Variants in TENM2 observed in about 807,000 individuals in gnomAD.
TENM2 encodes teneurin transmembrane protein 2.
Under a neutral mutation model 245.2 loss-of-function variants are expected in TENM2, and 52 were observed. The ratio of observed to expected loss-of-function variants is 0.21; its 90% CI spans 0.17 to 0.27. The LOEUF (loss-of-function observed/expected upper bound fraction) is 0.27. Among genes scored for constraint, TENM2 ranks in the 10% least tolerant of loss-of-function variants. The pLI, the probability that TENM2 is intolerant of heterozygous loss-of-function variation, is 1.00. For missense variants in TENM2, 3,046 were observed against 3,666.8 expected, an observed-to-expected ratio of 0.83 and a Z score of 4.37; for synonymous variants, 1,363 against 1,438.9, an observed-to-expected ratio of 0.95 and a Z score of 1.19.
At chr5:167,379,253 A>T (rs1308374220) in intron 2 of TENM2, among the ~76,000 whole-genome samples, 1 of 152,162 alleles carries the variant, frequency 6.6e-6, no homozygotes, top group Non-Finnish European at 1.5e-5. Flanking sequence ...TGAAACACAG[A>T]TTCTATTAGA....
chr5:167,898,471 CA>C (rs1228720795), intron 3 of TENM2, among the ~76,000 whole-genome samples: 1 of 152,118 alleles, frequency 6.6e-6, no homozygotes, highest in Non-Finnish European at 1.5e-5. Flanking sequence ...GAGTTTGAAA[CA>C]ATGTAAATGC....
At chr5:167,435,517 C>T (rs773120728) in intron 2 of TENM2, among the ~76,000 whole-genome samples, 4 of 152,222 alleles carry the variant, frequency 2.6e-5, no homozygotes, top group Middle Eastern at 3.4e-3. Context: ...CTAATTAAAC[C>T]TCTTTCTTTT....
chr5:167,609,345 A>G (rs760724910), intron 2 of TENM2, among the ~76,000 whole-genome samples: 2 of 152,126 alleles, frequency 1.3e-5, no homozygotes, highest in Non-Finnish European at 2.9e-5. Flanking sequence ...AATCAAAAGT[A>G]TACAACTTGT....
the TENM2 span, among the ~76,000 whole-genome samples, chr5:167,246,054 C>T: frequency 6.6e-6 from 1 of 152,146 alleles, no homozygotes; most frequent in Non-Finnish European, 1.5e-5. Context: ...AGTTACTCCT[C>T]CTCTCTTGGG....
At chr5:167,745,008 C>T (rs1384710629) in intron 2 of TENM2, among the ~76,000 whole-genome samples, 2 of 152,278 alleles carry the variant, frequency 1.3e-5, no homozygotes, top group East Asian at 1.9e-4. Flanking sequence ...GTATCAACAT[C>T]ACCTGTCTCT....
At chr5:167,304,658 GT>G (rs1000572782) in intron 1 of TENM2, among the ~76,000 whole-genome samples, 1 of 151,028 alleles carries the variant, frequency 6.6e-6, no homozygotes, top group African/African-American at 2.5e-5. Context: ...TTGTTTGTTT[GT>G]TTTTTTTAAA....
chr5:168,082,949 A>T (rs889419486), intron 7 of TENM2, among the ~76,000 whole-genome samples: 10 of 152,152 alleles, frequency 6.6e-5, no homozygotes, highest in African/African-American at 9.7e-5. Context: ...CTCAAACTCC[A>T]TGCTGGGAGA....
intron 3 of TENM2, among the ~76,000 whole-genome samples, chr5:167,915,982 G>T (rs1474796094): frequency 6.6e-6 from 1 of 152,140 alleles, no homozygotes; most frequent in Non-Finnish European, 1.5e-5. Context: ...GTCTCCTTGG[G>T]CCTCAGTTTC....
the TENM2 span, among the ~76,000 whole-genome samples, chr5:166,982,713 C>A: frequency 2.0e-5 from 3 of 151,990 alleles, no homozygotes; most frequent in African/African-American, 7.2e-5. Context: ...GGAGAAACCC[C>A]CCATTCTGCA....
chr5:167,836,671 A>G (rs13354537), intron 2 of TENM2, among the ~76,000 whole-genome samples: 11,985 of 152,218 alleles, frequency 0.079, 559 homozygotes, highest in Middle Eastern at 0.13. Flanking sequence ...ACAGGTGCCA[A>G]GTGTTCATGT....
chr5:167,576,247 A>G (rs1004114147), intron 2 of TENM2, among the ~76,000 whole-genome samples: 2 of 152,098 alleles, frequency 1.3e-5, no homozygotes, highest in East Asian at 3.9e-4. Flanking sequence ...AATCAAAGCT[A>G]TCCTTACTCA....
the TENM2 span, among the ~76,000 whole-genome samples, chr5:166,998,269 A>T: frequency 6.6e-6 from 1 of 152,166 alleles, no homozygotes; most frequent in African/African-American, 2.4e-5. Flanking sequence ...GTGGTGAGTG[A>T]TCCAATCAGG....
At chr5:168,004,888 G>C (rs757854192) in intron 5 of TENM2, among the ~76,000 whole-genome samples, 6 of 151,820 alleles carry the variant, frequency 4.0e-5, no homozygotes, top group Non-Finnish European at 7.4e-5. Flanking sequence ...TTCATTTTAG[G>C]CTTTTAAAAA....
chr5:167,939,724 TCTTA>T (rs1397086911), intron 3 of TENM2, among the ~76,000 whole-genome samples: 1 of 152,166 alleles, frequency 6.6e-6, no homozygotes, highest in Middle Eastern at 3.2e-3. Context: ...ATTCCATACA[TCTTA>T]CTTTTGATTT....
chr5:167,328,816 T>G (rs1757254209), intron 1 of TENM2, among the ~76,000 whole-genome samples: 1 of 152,210 alleles, frequency 6.6e-6, no homozygotes, highest in Non-Finnish European at 1.5e-5. Context: ...CGGTATACTC[T>G]ATCCTGTTTC....
At chr5:167,006,549 A>G in the TENM2 span, among the ~76,000 whole-genome samples, 1 of 152,134 alleles carries the variant, frequency 6.6e-6, no homozygotes, top group Non-Finnish European at 1.5e-5. Flanking sequence ...GGAGAAATGC[A>G]TTTTTCTAAG....
chr5:167,222,663 A>G, the TENM2 span, among the ~76,000 whole-genome samples: 1 of 152,166 alleles, frequency 6.6e-6, no homozygotes, highest in African/African-American at 2.4e-5. Context: ...GGCTGCTCGG[A>G]AACATGCACA....
chr5:167,000,713 C>T, the TENM2 span, among the ~76,000 whole-genome samples: 7 of 152,242 alleles, frequency 4.6e-5, no homozygotes, highest in African/African-American at 1.7e-4. Context: ...TACCCCACTA[C>T]CTTGTACAGA....
intron 2 of TENM2, among the ~76,000 whole-genome samples, chr5:167,673,662 G>A (rs1403443701): frequency 6.6e-6 from 1 of 152,054 alleles, no homozygotes; most frequent in Non-Finnish European, 1.5e-5. Context: ...CTTTCAGGCT[G>A]GTGGTCTCAG....
Sources: gnomAD v4.1 joint callset for allele counts (sites outside exome capture counted in the v4.1 genomes callset) on GRCh38, gnomAD v4.1.1 for gene constraint, MANE v1.5 for transcripts, NCBI Gene and HGNC (gene_info 2026-07-23, HGNC 2026-07-21) for gene names.